Variants in PAK5 observed in about 807,000 individuals in gnomAD.
PAK5 encodes p21 (RAC1) activated kinase 5, also known as serine/threonine-protein kinase PAK 5.
In PAK5, 16 loss-of-function variants were observed where a neutral mutation model predicts 65.9. That is an observed-to-expected ratio of 0.24 (90% CI 0.16 to 0.37). The LOEUF is 0.37. Ranked by LOEUF, PAK5 falls within the 10% of genes least tolerant of loss-of-function variation. The pLI, the probability that PAK5 is intolerant of heterozygous loss-of-function variation, is 1.00. For missense variants in PAK5, 785 were observed against 903.9 expected (o/e 0.87, Z 1.69); for synonymous variants, 371 against 354.9 (o/e 1.05, Z -0.51).
intron 3 of PAK5, among the ~76,000 whole-genome samples, chr20:9,601,905 C>T (rs1469661480): frequency 6.6e-6 from 1 of 152,154 alleles, no homozygotes; most frequent in African/African-American, 2.4e-5. Flanking sequence ...GTAACCCTAC[C>T]AGCCTAAGAC....
chr20:9,725,703 C>T (rs2048268755), intron 1 of PAK5, among the ~76,000 whole-genome samples: 1 of 152,046 alleles, frequency 6.6e-6, no homozygotes, highest in Non-Finnish European at 1.5e-5. Flanking sequence ...ATGGAGAGAA[C>T]ACAAACTCGT....
chr20:9,567,426 C>G (rs768864947), intron 4 of PAK5, among the ~76,000 whole-genome samples: 2 of 152,152 alleles, frequency 1.3e-5, no homozygotes, highest in Non-Finnish European at 2.9e-5. Flanking sequence ...ACAAGCTACA[C>G]GTGCCTATTT....
intron 7 of PAK5, among the ~76,000 whole-genome samples, chr20:9,551,593 C>G (rs1304371943): frequency 1.3e-5 from 2 of 152,122 alleles, no homozygotes; most frequent in Non-Finnish European, 2.9e-5. Context: ...TGTAAAAACC[C>G]TTGCTCTGTA....
At chr20:9,743,078 A>G (rs1269814165) in intron 1 of PAK5, among the ~76,000 whole-genome samples, 1 of 152,198 alleles carries the variant, frequency 6.6e-6, no homozygotes, top group Non-Finnish European at 1.5e-5. Flanking sequence ...AATAAAGTAT[A>G]AAAAACTGGC....
intron 3 of PAK5, among the ~76,000 whole-genome samples, chr20:9,592,134 A>C (rs575580389): frequency 6.6e-6 from 1 of 152,342 alleles, no homozygotes; most frequent in East Asian, 1.9e-4. Context: ...TTAAATATTA[A>C]GGTCATCACG....
At chr20:9,581,573 A>G (rs746404610) in intron 3 of PAK5, among the ~76,000 whole-genome samples, 4 of 152,210 alleles carry the variant, frequency 2.6e-5, no homozygotes, top group Non-Finnish European at 5.9e-5. Context: ...ATTCTTATTA[A>G]GTATATATAC....
At chr20:9,837,300 C>G (rs1174656678) in intron 1 of PAK5, among the ~76,000 whole-genome samples, 2 of 152,180 alleles carry the variant, frequency 1.3e-5, no homozygotes, top group Non-Finnish European at 2.9e-5. Context: ...AATGCATTTT[C>G]CTTATGTATT....
chr20:9,837,161 A>AAGGC (rs1979214392), intron 1 of PAK5, among the ~76,000 whole-genome samples: 1 of 152,238 alleles, frequency 6.6e-6, no homozygotes, highest in South Asian at 2.1e-4. Context: ...TTTTTAGTCT[A>AAGGC]AGGCCAGCGT....
At chr20:9,619,486 A>G (rs1430990640) in intron 3 of PAK5, among the ~76,000 whole-genome samples, 84 of 152,206 alleles carry the variant, frequency 5.5e-4, no homozygotes, top group Non-Finnish European at 3.1e-4. Context: ...ATCCCTAACA[A>G]ACTTCTCAAC....
At chr20:9,611,850 G>A (rs191265987) in intron 3 of PAK5, among the ~76,000 whole-genome samples, 5 of 152,282 alleles carry the variant, frequency 3.3e-5, no homozygotes, top group African/African-American at 1.2e-4. Flanking sequence ...AGACAGAGGT[G>A]GGAATTTACT....
In PAK5 at chr20:9,699,923, A is replaced by T. The variant is rs189388508; in HGVS notation, c.-12+11363T>A. ...CTTAAGAACCTCCTTCAAATTACTA[A>T]GCAGTTACCCCTGAGCTGCAAAAGG... is the stretch of plus-strand genomic sequence containing the variant. On this transcript the variant is annotated intron_variant, in intron 2 of 9. Transcript: ENST00000353224. 1.2e-4 allele frequency among the ~76,000 whole-genome samples: 19 copies of T among 152,312 alleles called. No individual in the cohort carries two copies. In the East Asian group the frequency reaches 3.5e-3, roughly 28 times the overall value.
At chr20:9,666,387 G>GAA (rs200148322) in intron 2 of PAK5, among the ~76,000 whole-genome samples, 170 of 113,726 alleles carry the variant, frequency 1.5e-3, no homozygotes, top group East Asian at 6.8e-3. Context: ...TGAGAACTTG[G>GAA]AAAAAAAAAA....
intron 4 of PAK5, among the ~76,000 whole-genome samples, chr20:9,569,274 G>A (rs2045735283): frequency 6.6e-6 from 1 of 152,214 alleles, no homozygotes; most frequent in Non-Finnish European, 1.5e-5. Flanking sequence ...TAAAGTTTGG[G>A]AGAGTGATTA....
intron 3 of PAK5, among the ~76,000 whole-genome samples, chr20:9,643,704 A>G (rs890344715): frequency 6.6e-6 from 1 of 152,186 alleles, no homozygotes; most frequent in Non-Finnish European, 1.5e-5. Context: ...ATCTATTGGT[A>G]GTAAATTTTA....
intron 4 of PAK5, chr20:9,577,410 T>C (rs2045904840): frequency 6.6e-6 from 1 of 151,992 alleles, no homozygotes; most frequent in South Asian, 2.1e-4. Context: ...CACACACACA[T>C]GTGTACACAC....
intron 1 of PAK5, among the ~76,000 whole-genome samples, chr20:9,762,553 A>G (rs2048711591): frequency 6.6e-6 from 1 of 152,192 alleles, no homozygotes. Flanking sequence ...AAAGCAAATC[A>G]AAATCACAAT....
chr20:9,589,780 C>A (rs2046134144), intron 3 of PAK5, among the ~76,000 whole-genome samples: 1 of 152,072 alleles, frequency 6.6e-6, no homozygotes, highest in Non-Finnish European at 1.5e-5. Flanking sequence ...AAGCGATTCT[C>A]ATGCCTCAGC....
At chr20:9,643,969 T>C (rs1193708335) in intron 3 of PAK5, among the ~76,000 whole-genome samples, 156 bp downstream of exon 3, 1 of 152,204 alleles carries the variant, frequency 6.6e-6, no homozygotes, top group Admixed American at 6.5e-5. Context: ...TAAGAAATGG[T>C]GAAAATTATA....
intron 5 of PAK5, among the ~76,000 whole-genome samples, chr20:9,563,572 A>T (rs2045625463): frequency 1.3e-5 from 2 of 152,250 alleles, no homozygotes; most frequent in African/African-American, 4.8e-5. Context: ...ATATATATTG[A>T]AGATAAAAAT....
Sources: allele counts gnomAD v4.1 joint callset (sites outside exome capture counted in the v4.1 genomes callset), GRCh38; gene constraint gnomAD v4.1.1; transcripts MANE v1.5; gene names NCBI Gene and HGNC (gene_info 2026-07-23, HGNC 2026-07-21).